PRRG1: variants seen among roughly 807,000 people sequenced by gnomAD.
PRRG1 encodes proline rich and Gla domain 1.
In PRRG1, 5 loss-of-function variants were observed where a neutral mutation model predicts 11.8. That is an observed-to-expected ratio of 0.42 (90% CI 0.22 to 0.89). The LOEUF is 0.89. Among genes scored for constraint, PRRG1 ranks in the 40% least tolerant of loss-of-function variants. The pLI is 0.28. For synonymous variants in PRRG1, 66 were observed against 60.4 expected (o/e 1.09, Z -0.43); for missense variants, 155 against 166.1 (o/e 0.93, Z 0.37).
chrX:37,419,517 G>T, intron 2 of PRRG1, among the ~76,000 whole-genome samples: 1 of 111,579 alleles, frequency 9.0e-6, no homozygotes, highest in Non-Finnish European at 1.9e-5. Flanking sequence ...ATACAGCATT[G>T]GTTAATTGAA....
intron 1 of PRRG1, among the ~76,000 whole-genome samples, chrX:37,382,341 C>G (rs1049779733): frequency 9.0e-6 from 1 of 111,079 alleles, no homozygotes; most frequent in Non-Finnish European, 1.9e-5. Context: ...AGCTCTGTCT[C>G]CAGATGTCTT....
chrX:37,386,831 A>C (rs782246139), intron 1 of PRRG1: 22 of 112,587 alleles, frequency 2.0e-4, no homozygotes, highest in Middle Eastern at 4.6e-3. Context: ...GATTAAAGGA[A>C]TTAACACAAT....
intron 2 of PRRG1, among the ~76,000 whole-genome samples, chrX:37,414,677 T>C (rs1440106977): frequency 8.9e-6 from 1 of 112,743 alleles, no homozygotes; most frequent in African/African-American, 3.2e-5. Flanking sequence ...TTGCAGAGGA[T>C]CCTATGACTA....
intron 2 of PRRG1, among the ~76,000 whole-genome samples, chrX:37,407,825 A>G (rs1932226393): frequency 8.9e-6 from 1 of 111,825 alleles, no homozygotes; most frequent in East Asian, 2.8e-4. Context: ...CAAGCAACTG[A>G]GAATTCTTTT....
At chrX:37,404,896 G>T (rs2146580403) in intron 1 of PRRG1, among the ~76,000 whole-genome samples, 1 of 111,727 alleles carries the variant, frequency 9.0e-6, no homozygotes, top group South Asian at 3.7e-4. Flanking sequence ...TTTCAGAGCT[G>T]CAAGAAACTT....
At chrX:37,398,658 C>A (rs936189267) in intron 1 of PRRG1, among the ~76,000 whole-genome samples, 1 of 112,149 alleles carries the variant, frequency 8.9e-6, no homozygotes, top group Non-Finnish European at 1.9e-5. Flanking sequence ...TGAGAGAAGA[C>A]GGCTTCAGAC....
At chrX:37,425,648 T>C (rs1932763484) in intron 2 of PRRG1, 192 bp from the exon 3 acceptor site, 1 of 371,120 alleles carries the variant, frequency 2.7e-6, no homozygotes. Flanking sequence ...CCAGGGCAAC[T>C]GCTATTGAAA....
intron 1 of PRRG1, among the ~76,000 whole-genome samples, chrX:37,389,796 G>C: frequency 9.0e-6 from 1 of 111,562 alleles, no homozygotes; most frequent in Non-Finnish European, 1.9e-5. Flanking sequence ...AATTTAAAGA[G>C]ATGTGGCTAG....
chrX:37,351,215 C>T (rs1056992358), intron 1 of PRRG1, among the ~76,000 whole-genome samples: 1 of 111,517 alleles, frequency 9.0e-6, no homozygotes, highest in East Asian at 2.8e-4. Flanking sequence ...AATTCATAGG[C>T]CGGGTGCAGT....
intron 3 of PRRG1, among the ~76,000 whole-genome samples, chrX:37,427,483 G>A (rs186035257): frequency 3.6e-5 from 4 of 111,910 alleles, no homozygotes; most frequent in Admixed American, 1.9e-4. Flanking sequence ...CTTAACATAT[G>A]ATCTACCTTC....
At chrX:37,403,864 T>G in intron 1 of PRRG1, 2 of 521,320 alleles carry the variant, frequency 3.8e-6, no homozygotes, top group Non-Finnish European at 4.7e-6. Flanking sequence ...AATTGTCTTA[T>G]TTAAAATAAG....
chrX:37,392,519 T>C (rs1931573217), intron 1 of PRRG1, among the ~76,000 whole-genome samples: 1 of 104,651 alleles, frequency 9.6e-6, no homozygotes, highest in Non-Finnish European at 1.9e-5. Context: ...TAAAACCCTG[T>C]CTATACAAAA....
intron 1 of PRRG1, among the ~76,000 whole-genome samples, chrX:37,371,820 C>T (rs1930770649): frequency 1.8e-5 from 2 of 113,166 alleles, no homozygotes. Flanking sequence ...CTCCTCACCG[C>T]TCTATGCCTG....
At chrX:37,432,092 GTT>G (rs782183502) in intron 3 of PRRG1, among the ~76,000 whole-genome samples, 1 of 96,123 alleles carries the variant, frequency 1.0e-5, no homozygotes. Flanking sequence ...GGTGAACAAT[GTT>G]TTTTTTTTTT....
chrX:37,402,505 C>G (rs1202509894), intron 1 of PRRG1, among the ~76,000 whole-genome samples: 1 of 111,347 alleles, frequency 9.0e-6, no homozygotes, highest in Non-Finnish European at 1.9e-5. Flanking sequence ...AAGACTTAAA[C>G]GTTAGACCTA....
intron 1 of PRRG1, among the ~76,000 whole-genome samples, chrX:37,399,038 C>G (rs1399835570): frequency 1.8e-5 from 2 of 111,984 alleles, no homozygotes; most frequent in African/African-American, 6.5e-5. Context: ...GAGAATGGAA[C>G]CAAGTTGGAA....
intron 1 of PRRG1, among the ~76,000 whole-genome samples, chrX:37,382,423 G>A (rs1421364735): frequency 9.0e-6 from 1 of 110,919 alleles, no homozygotes; most frequent in Non-Finnish European, 1.9e-5. Context: ...ACAGCTATGT[G>A]TATATCTTGC....
intron 1 of PRRG1, among the ~76,000 whole-genome samples, chrX:37,357,331 TGTC>T (rs1930269918): frequency 8.9e-6 from 1 of 111,961 alleles, no homozygotes; most frequent in South Asian, 3.7e-4. Context: ...GCTTCCAAGT[TGTC>T]GTAATTATAA....
intron 3 of PRRG1, among the ~76,000 whole-genome samples, chrX:37,450,043 C>T (rs1405127220): frequency 8.9e-6 from 1 of 112,510 alleles, no homozygotes; most frequent in Non-Finnish European, 1.9e-5. Flanking sequence ...TGTTTTTATT[C>T]AGATCATTGT....
Sources: allele counts gnomAD v4.1 joint callset (sites outside exome capture counted in the v4.1 genomes callset), GRCh38; gene constraint gnomAD v4.1.1; transcripts MANE v1.5; gene names NCBI Gene and HGNC (gene_info 2026-07-23, HGNC 2026-07-21).